Variants in CALN1 observed in about 807,000 individuals in gnomAD.
The protein encoded by CALN1 is calcium-binding protein 8.
In CALN1, 17 loss-of-function variants were observed where a neutral mutation model predicts 30.6. That is an observed-to-expected ratio of 0.56 (90% CI 0.38 to 0.83). The LOEUF is 0.83. Ranked by LOEUF, CALN1 falls within the 40% of genes least tolerant of loss-of-function variation. CALN1 has a pLI of 0.00. For missense variants in CALN1, 291 were observed against 354.9 expected (o/e 0.82, Z 1.45); for synonymous variants, 156 against 131.4 (o/e 1.19, Z -1.28).
At chr7:71,957,458 A>G (rs1797016525) in intron 5 of CALN1, among the ~76,000 whole-genome samples, 1 of 152,094 alleles carries the variant, frequency 6.6e-6, no homozygotes, top group Admixed American at 6.6e-5. Flanking sequence ...TCACTCTGCA[A>G]AAAATCAAAC....
chr7:72,261,458 G>T (rs1796269047), intron 3 of CALN1, among the ~76,000 whole-genome samples: 1 of 150,050 alleles, frequency 6.7e-6, no homozygotes, highest in South Asian at 2.1e-4. Context: ...TCACTCTGTT[G>T]CCAAGGCTGG....
chr7:72,247,139 C>T (rs1795224140), intron 3 of CALN1, among the ~76,000 whole-genome samples: 1 of 151,894 alleles, frequency 6.6e-6, no homozygotes, highest in Non-Finnish European at 1.5e-5. Context: ...CTATCCCCAC[C>T]CAGATAGTTA....
intron 2 of CALN1, among the ~76,000 whole-genome samples, chr7:72,356,933 AAC>A (rs1315217583): frequency 6.6e-6 from 1 of 151,968 alleles, no homozygotes; most frequent in African/African-American, 2.4e-5. Flanking sequence ...CTCTAAAACC[AAC>A]ACTTCTAAGC....
At chr7:71,908,957 G>C (rs1420839847) in intron 5 of CALN1, among the ~76,000 whole-genome samples, 1 of 152,186 alleles carries the variant, frequency 6.6e-6, no homozygotes, top group Non-Finnish European at 1.5e-5. Flanking sequence ...TTCAATGTTT[G>C]TTCATGTTTC....
intron 2 of CALN1, among the ~76,000 whole-genome samples, chr7:72,347,562 G>A (rs1055012480): frequency 3.9e-5 from 6 of 151,910 alleles, no homozygotes; most frequent in Non-Finnish European, 8.8e-5. Flanking sequence ...CACCAAGCCC[G>A]GCCAAGACAA....
At chr7:72,306,973 A>T (rs1242379659) in intron 2 of CALN1, among the ~76,000 whole-genome samples, 1 of 152,198 alleles carries the variant, frequency 6.6e-6, no homozygotes, top group East Asian at 1.9e-4. Flanking sequence ...AGAGAGGAAG[A>T]GCCTCAACAT....
the CALN1 span, among the ~76,000 whole-genome samples, chr7:72,467,916 AT>A: frequency 6.6e-6 from 1 of 152,126 alleles, no homozygotes; most frequent in Non-Finnish European, 1.5e-5. Flanking sequence ...ACCAATTTGT[AT>A]TATATCTCTC....
chr7:71,876,026 G>A (rs1301346853), intron 5 of CALN1, among the ~76,000 whole-genome samples: 1 of 152,046 alleles, frequency 6.6e-6, no homozygotes, highest in Admixed American at 6.5e-5. Flanking sequence ...GGGGCATTTG[G>A]CCAAGAAACC....
rs57965086 is a variant in CALN1 at position 71,799,421 on chromosome 7, T to TTTTATTTA, written c.658+10907_658+10914dup. Among the ~76,000 whole-genome samples, 881 of 144,712 alleles carry TTTTATTTA rather than the reference T, an allele frequency of 6.1e-3. 11 individuals carry two copies. Among genetic ancestry groups the TTTTATTTA allele is most frequent in the African/African-American group, 0.019 (744 of 38,508 alleles). 94.9% of individuals were successfully genotyped at this position (144,712 alleles called of 152,430 possible). ...TTACACAAAACAGCTCTCTGGGTCTTTTTATTTATTTATTTATTTATTTAT... is the reference window on the plus strand; with the variant it reads ...TTACACAAAACAGCTCTCTGGGTCTTTTTATTTATTTATTTATTTATTTATTTATTTAT... On this transcript the variant is annotated intron_variant, in intron 6 of 6. Coordinates refer to ENST00000395275, the MANE Select transcript of CALN1 (RefSeq NM_031468.4).
intron 4 of CALN1, chr7:72,104,235 G>C (rs895002210): frequency 1.2e-4 from 18 of 152,454 alleles, no homozygotes; most frequent in African/African-American, 4.1e-4. Flanking sequence ...TCTTGGGTTA[G>C]GACCTCCGTC....
At chr7:71,901,104 G>A (rs970144635) in intron 5 of CALN1, among the ~76,000 whole-genome samples, 1 of 152,108 alleles carries the variant, frequency 6.6e-6, no homozygotes, top group Non-Finnish European at 1.5e-5. Context: ...CTTTGGACTT[G>A]CTCTCAAATT....
At chr7:72,397,720 A>T (rs868519811) in intron 2 of CALN1, among the ~76,000 whole-genome samples, 121 of 126,878 alleles carry the variant, frequency 9.5e-4, no homozygotes, top group African/African-American at 2.8e-3. Context: ...TCTCTCACAC[A>T]CACACACACA....
intron 3 of CALN1, among the ~76,000 whole-genome samples, chr7:72,152,135 ACCT>A (rs1166819802): frequency 6.6e-6 from 1 of 151,750 alleles, no homozygotes; most frequent in African/African-American, 2.4e-5. Context: ...TGAATGCCTG[ACCT>A]CAAGTGAGAC....
chr7:72,109,715 C>G (rs1463961733), intron 3 of CALN1, among the ~76,000 whole-genome samples: 1 of 152,192 alleles, frequency 6.6e-6, no homozygotes, highest in East Asian at 1.9e-4. Flanking sequence ...AGGACATGGC[C>G]TCATGTGGCC....
intron 4 of CALN1, among the ~76,000 whole-genome samples, chr7:72,036,813 TTGAA>T (rs1362613225): frequency 1.3e-5 from 2 of 152,110 alleles, no homozygotes; most frequent in East Asian, 1.9e-4. Context: ...TTTTTTTCCT[TTGAA>T]TGGGCCATTC....
At chr7:71,925,672 C>T (rs1227810725) in intron 5 of CALN1, among the ~76,000 whole-genome samples, 1 of 152,044 alleles carries the variant, frequency 6.6e-6, no homozygotes, top group Admixed American at 6.6e-5. Context: ...TATTGCCTCT[C>T]AGCTCTGAAT....
chr7:71,850,158 T>C (rs560671057), intron 5 of CALN1, among the ~76,000 whole-genome samples: 4 of 152,166 alleles, frequency 2.6e-5, no homozygotes, highest in African/African-American at 9.7e-5. Context: ...TATCCTTACA[T>C]GGAATCTATG....
chr7:72,486,395 G>A, the CALN1 span, among the ~76,000 whole-genome samples: 1 of 151,258 alleles, frequency 6.6e-6, no homozygotes, highest in African/African-American at 2.4e-5. Context: ...TTTTTGAGAT[G>A]GAGCCTTGTT....
intron 5 of CALN1, among the ~76,000 whole-genome samples, chr7:71,965,269 GATC>G (rs1797475284): frequency 6.6e-6 from 1 of 152,110 alleles, no homozygotes; most frequent in African/African-American, 2.4e-5. Context: ...GGGCTCAGGT[GATC>G]CTCCCGCCTC....
Sources: allele counts gnomAD v4.1 joint callset (sites outside exome capture counted in the v4.1 genomes callset), GRCh38; gene constraint gnomAD v4.1.1; transcripts MANE v1.5; gene names NCBI Gene and HGNC (gene_info 2026-07-23, HGNC 2026-07-21).